The following SPATA16 variants were observed in gnomAD, a reference collection of about 807,000 sequenced individuals.
The protein encoded by SPATA16 is spermatogenesis associated 16, also known as spermatogenesis-associated protein 16.
SPATA16 carries 36 observed loss-of-function variants against 63.3 expected under a neutral mutation model. That is an observed-to-expected ratio of 0.57 (90% confidence interval 0.44 to 0.75). The LOEUF (loss-of-function observed/expected upper bound fraction) is 0.75. Among genes scored for constraint, SPATA16 ranks in the 30% least tolerant of loss-of-function variants. The pLI, the probability that SPATA16 is intolerant of heterozygous loss-of-function variation, is 0.00. For synonymous variants in SPATA16, 203 were observed against 216.7 expected (o/e 0.94, Z 0.56); for missense variants, 646 against 679.3 (o/e 0.95, Z 0.54).
intron 3 of SPATA16, among the ~76,000 whole-genome samples, chr3:173,028,038 C>T (rs1457757605): frequency 5.9e-5 from 6 of 102,090 alleles, no homozygotes; most frequent in African/African-American, 2.1e-4. Context: ...TTCCTTCCTT[C>T]CTTCCTTCCT....
At chr3:173,056,961 A>C (rs1736247201) in intron 2 of SPATA16, among the ~76,000 whole-genome samples, 1 of 151,944 alleles carries the variant, frequency 6.6e-6, no homozygotes, top group African/African-American at 2.4e-5. Flanking sequence ...GTGAGTCCAC[A>C]TATGTTCTAT....
At chr3:173,011,118 G>C (rs1282337451) in intron 4 of SPATA16, among the ~76,000 whole-genome samples, 2 of 152,020 alleles carry the variant, frequency 1.3e-5, no homozygotes. Context: ...ACCAAAATCT[G>C]GCAAAGACAC....
chr3:173,057,825 A>T (rs925273387), intron 2 of SPATA16, among the ~76,000 whole-genome samples: 1 of 152,326 alleles, frequency 6.6e-6, no homozygotes, highest in East Asian at 1.9e-4. Flanking sequence ...AAACAAATAG[A>T]ATTTGTATTT....
intron 2 of SPATA16, among the ~76,000 whole-genome samples, chr3:173,077,967 G>A: frequency 6.6e-6 from 1 of 152,080 alleles, no homozygotes; most frequent in Non-Finnish European, 1.5e-5. Context: ...GAAAACCCAT[G>A]AGGAAATGTG....
intron 2 of SPATA16, among the ~76,000 whole-genome samples, chr3:173,078,125 A>G (rs1736847578): frequency 6.6e-6 from 1 of 152,158 alleles, no homozygotes; most frequent in Non-Finnish European, 1.5e-5. Flanking sequence ...TACTTATATT[A>G]TTTTCATTTT....
intron 10 of SPATA16, among the ~76,000 whole-genome samples, chr3:172,893,293 CAG>C (rs1423828680): frequency 6.6e-6 from 1 of 152,038 alleles, no homozygotes. Flanking sequence ...CATTATAAAA[CAG>C]GGAAATTTGG....
chr3:172,899,946 T>G (rs923224172), intron 10 of SPATA16, among the ~76,000 whole-genome samples: 1 of 152,098 alleles, frequency 6.6e-6, no homozygotes, highest in African/African-American at 2.4e-5. Flanking sequence ...TTAAACAATG[T>G]TATTATTTTT....
At chr3:173,138,644 C>CTGAATAG (rs1213024692) in intron 1 of SPATA16, among the ~76,000 whole-genome samples, 92 of 152,092 alleles carry the variant, frequency 6.0e-4, no homozygotes, top group African/African-American at 2.1e-3. Context: ...AATTATAATA[C>CTGAATAG]AAGTCTTCCT....
At chr3:172,903,965 T>A (rs1272301462) in intron 10 of SPATA16, among the ~76,000 whole-genome samples, 2 of 152,236 alleles carry the variant, frequency 1.3e-5, no homozygotes, top group African/African-American at 4.8e-5. Flanking sequence ...TGCCATTGAC[T>A]TGTGACAGCT....
intron 6 of SPATA16, among the ~76,000 whole-genome samples, chr3:172,953,019 A>C (rs1016657380): frequency 6.6e-6 from 1 of 151,786 alleles, no homozygotes; most frequent in Non-Finnish European, 1.5e-5. Flanking sequence ...AACAACCTCT[A>C]TTCCCAAACT....
rs188108061 is a variant in SPATA16, at chr3:173,104,976, C to T, written c.612+12144G>A. Among the ~76,000 whole-genome samples the T allele has an allele frequency of 2.3e-3, 353 of 152,170 alleles. 1 individual carries two copies. The highest frequency in any genetic ancestry group is 8.2e-3 in the African/African-American group (341 of 41,518). ...GAGTCATGCTGTCCACTTCTTTTTC[C>T]AAACTTAATTTTGCTTCTGGAAGTT... On this transcript the variant is annotated intron_variant, in intron 2 of 10. Transcript: ENST00000351008.
intron 2 of SPATA16, among the ~76,000 whole-genome samples, chr3:173,103,265 C>A (rs1398881507): frequency 6.6e-6 from 1 of 152,160 alleles, no homozygotes; most frequent in African/African-American, 2.4e-5. Flanking sequence ...GGTGGTGGCC[C>A]CCTTTCCATA....
At chr3:172,918,192 G>A (rs929307109) in intron 8 of SPATA16, among the ~76,000 whole-genome samples, 19 of 152,202 alleles carry the variant, frequency 1.2e-4, no homozygotes, top group African/African-American at 3.9e-4. Context: ...AGTTGGAGGA[G>A]AAACGGTTTT....
chr3:172,945,287 T>A (rs933980167), intron 6 of SPATA16, among the ~76,000 whole-genome samples: 2 of 152,090 alleles, frequency 1.3e-5, no homozygotes, highest in Non-Finnish European at 2.9e-5. Context: ...TGAAGAAATC[T>A]AAAAAGTAGA....
intron 3 of SPATA16, among the ~76,000 whole-genome samples, chr3:173,028,013 C>CTTT (rs1735498090): frequency 1.4e-4 from 5 of 35,068 alleles, no homozygotes; most frequent in African/African-American, 8.4e-4. Flanking sequence ...CTCCCTCCCT[C>CTTT]CCTTCCTTCT....
At chr3:173,091,669 G>C (rs1737225446) in intron 2 of SPATA16, among the ~76,000 whole-genome samples, 1 of 152,090 alleles carries the variant, frequency 6.6e-6, no homozygotes, top group Non-Finnish European at 1.5e-5. Flanking sequence ...TAAATGAAAT[G>C]TATTAATAAA....
At chr3:173,072,341 C>G (rs1736694726) in intron 2 of SPATA16, among the ~76,000 whole-genome samples, 1 of 152,152 alleles carries the variant, frequency 6.6e-6, no homozygotes, top group Admixed American at 6.5e-5. Flanking sequence ...CCTGTTCCCA[C>G]TAATAAGTGG....
chr3:173,044,298 C>CT (rs1397943791), intron 3 of SPATA16, among the ~76,000 whole-genome samples: 12 of 152,116 alleles, frequency 7.9e-5, no homozygotes, highest in Admixed American at 7.9e-4. Flanking sequence ...TTGTCTATCT[C>CT]TTGTCTTTAT....
At chr3:173,043,063 A>G (rs1735880131) in intron 3 of SPATA16, among the ~76,000 whole-genome samples, 1 of 152,060 alleles carries the variant, frequency 6.6e-6, no homozygotes, top group Non-Finnish European at 1.5e-5. Context: ...TGTATGCTTT[A>G]TATAGATAGC....
Sources: allele counts gnomAD v4.1 joint callset (sites outside exome capture counted in the v4.1 genomes callset), GRCh38; gene constraint gnomAD v4.1.1; transcripts MANE v1.5; gene names NCBI Gene and HGNC (gene_info 2026-07-23, HGNC 2026-07-21).